SYT1: variants seen among roughly 807,000 people sequenced by gnomAD.
The protein encoded by SYT1 is synaptotagmin 1, also known as synaptotagmin-1.
A neutral mutation model predicts 44.8 loss-of-function variants in SYT1; 8 were observed. The ratio of observed to expected loss-of-function variants is 0.18; its 90% CI spans 0.10 to 0.32. The LOEUF is 0.32. SYT1 is among the 10% of genes least tolerant of loss of function. The pLI, the probability that SYT1 is intolerant of heterozygous loss-of-function variation, is 1.00. For missense variants in SYT1, 286 were observed against 509.3 expected, an observed-to-expected ratio of 0.56 and a Z score of 4.22; for synonymous variants, 154 against 188.8, an observed-to-expected ratio of 0.82 and a Z score of 1.51.
intron 3 of SYT1, among the ~76,000 whole-genome samples, chr12:79,103,712 T>C (rs1487984533): frequency 6.6e-6 from 1 of 151,510 alleles, no homozygotes; most frequent in Admixed American, 6.6e-5. Flanking sequence ...TGTGACCTCT[T>C]AGTGTCCAAC....
chr12:78,915,201 T>G (rs1876578756), intron 1 of SYT1, among the ~76,000 whole-genome samples: 1 of 151,992 alleles, frequency 6.6e-6, no homozygotes, highest in African/African-American at 2.4e-5. Flanking sequence ...AGATCACTAT[T>G]TTAATAATAG....
At chr12:79,334,286 A>G (rs1208685220) in intron 8 of SYT1, among the ~76,000 whole-genome samples, 1 of 152,072 alleles carries the variant, frequency 6.6e-6, no homozygotes, top group Non-Finnish European at 1.5e-5. Flanking sequence ...CTGTAACTCT[A>G]TATTCATATG....
intron 3 of SYT1, among the ~76,000 whole-genome samples, chr12:79,106,771 T>A (rs1878742467): frequency 6.6e-6 from 1 of 152,082 alleles, no homozygotes; most frequent in Admixed American, 6.5e-5. Flanking sequence ...CTTCTTTAAA[T>A]GACTCTAGTC....
chr12:79,308,532 T>TAAAGAAAG lies in SYT1; in HGVS notation c.810+8993_810+9000dup, dbSNP rs61316122. 9.2e-4 allele frequency among the ~76,000 whole-genome samples: 55 copies of TAAAGAAAG among 59,484 alleles called. 1 individual carries two copies. Among genetic ancestry groups the TAAAGAAAG allele is most frequent in the Admixed American group, 7.4e-4 (4 of 5,426 alleles). The allele number at this position is 59,484 out of a possible 152,430, so 39.0% of individuals were successfully genotyped here. A position where few individuals can be genotyped will look rare whatever the true frequency, so the allele number is the denominator to read the frequency against. ...TCAAAAGAAAGAAAGAAAGAAGAAA[T>TAAAGAAAG]AAAGAAAGAAAGAAAGAAAAAAGAA... On this transcript the variant is annotated intron_variant, in intron 8 of 10. Transcript: ENST00000261205.
intron 1 of SYT1, among the ~76,000 whole-genome samples, chr12:78,944,866 A>G (rs1878569262): frequency 6.6e-6 from 1 of 152,190 alleles, no homozygotes. Context: ...TCCAGTATGC[A>G]AAATACTTGA....
At chr12:79,294,537 C>T (rs1280827753) in intron 6 of SYT1, among the ~76,000 whole-genome samples, 2 of 152,006 alleles carry the variant, frequency 1.3e-5, no homozygotes, top group African/African-American at 4.8e-5. Flanking sequence ...AGGCAGAAGT[C>T]AGAACAAGGT....
intron 4 of SYT1, among the ~76,000 whole-genome samples, chr12:79,222,478 T>C (rs1453931832): frequency 1.3e-5 from 2 of 151,932 alleles, no homozygotes; most frequent in Non-Finnish European, 2.9e-5. Flanking sequence ...ACCTCCCAGG[T>C]TCAAGCAATT....
At chr12:78,904,065 A>C (rs1875816481) in intron 1 of SYT1, among the ~76,000 whole-genome samples, 1 of 152,060 alleles carries the variant, frequency 6.6e-6, no homozygotes, top group Non-Finnish European at 1.5e-5. Flanking sequence ...GCTATATATC[A>C]TAACAGTTAT....
At chr12:79,159,594 C>T (rs1438273252) in intron 3 of SYT1, among the ~76,000 whole-genome samples, 1 of 152,074 alleles carries the variant, frequency 6.6e-6, no homozygotes, top group Non-Finnish European at 1.5e-5. Flanking sequence ...ATACGTTAAA[C>T]TTTATCATAG....
At position 78,931,491 on chromosome 12, in the gene SYT1, GAGTT is replaced by G. The variant is rs1346304097; in HGVS notation, c.-216-46305_-216-46302del. Among the ~76,000 whole-genome samples the G allele has an allele frequency of 7.9e-5, 12 of 152,082 alleles. 1 individual carries two copies. In the Middle Eastern group the frequency reaches 0.027, roughly 345 times the overall value. On this transcript the variant is annotated intron_variant, in intron 1 of 10. Transcript: ENST00000261205. Reference sequence around the variant, plus strand: ...AAAGAAAGAAAGAAAGAAAGAGAAAGAGTTAGGTAAATATTCAGAGAGCTTCCAT... The same window carrying G: ...AAAGAAAGAAAGAAAGAAAGAGAAAGAGGTAAATATTCAGAGAGCTTCCAT...
intron 3 of SYT1, among the ~76,000 whole-genome samples, chr12:79,206,822 A>C (rs1267225640): frequency 2.0e-5 from 3 of 152,214 alleles, no homozygotes; most frequent in Non-Finnish European, 4.4e-5. Flanking sequence ...AGATACTTAG[A>C]TCATCATCAA....
intron 1 of SYT1, among the ~76,000 whole-genome samples, chr12:78,909,743 A>T (rs569733604): frequency 9.5e-4 from 144 of 152,106 alleles, no homozygotes; most frequent in African/African-American, 3.4e-3. Flanking sequence ...TCACCAAACT[A>T]GTACTTTAAT....
At chr12:79,020,733 G>A (rs534210459) in intron 2 of SYT1, among the ~76,000 whole-genome samples, 2 of 151,950 alleles carry the variant, frequency 1.3e-5, no homozygotes, top group East Asian at 1.9e-4. Flanking sequence ...TGGAAAGAAA[G>A]CACTTTGAAG....
chr12:79,049,597 C>A lies in SYT1; in HGVS notation c.-18+2235C>A, dbSNP rs1021520643. 3.3e-5 allele frequency among the ~76,000 whole-genome samples: 5 copies of A among 151,852 alleles called. No homozygotes were observed. The South Asian group carries it at 8.3e-4, about 25-fold the overall frequency. On this transcript the variant is annotated intron_variant, in intron 3 of 10. Coordinates refer to ENST00000261205, the MANE Select transcript of SYT1 (RefSeq NM_005639.3). ...CATAAGAGTTCTTAAAATATCTTAG[C>A]CACTAAAGGCTCGTGAGTTAGTGTT... is the stretch of plus-strand genomic sequence containing the variant.
intron 1 of SYT1, among the ~76,000 whole-genome samples, chr12:78,937,350 G>A (rs1389960250): frequency 6.6e-6 from 1 of 152,014 alleles, no homozygotes; most frequent in African/African-American, 2.4e-5. Flanking sequence ...TTTATTTCTT[G>A]AGAAGACTTT....
At chr12:79,194,969 A>G (rs1592842237) in intron 3 of SYT1, among the ~76,000 whole-genome samples, 1 of 152,178 alleles carries the variant, frequency 6.6e-6, no homozygotes, top group African/African-American at 2.4e-5. Context: ...TCAATAAGCT[A>G]TTTTGCTAAA....
chr12:79,279,953 A>T (rs542984854), intron 4 of SYT1, among the ~76,000 whole-genome samples: 93 of 152,248 alleles, frequency 6.1e-4, no homozygotes, highest in African/African-American at 2.2e-3. Context: ...AAAGATCTCT[A>T]CAAGGAGAAC....
intron 3 of SYT1, among the ~76,000 whole-genome samples, chr12:79,076,752 C>T (rs1182502310): frequency 3.3e-5 from 5 of 151,984 alleles, no homozygotes; most frequent in Admixed American, 6.6e-5. Flanking sequence ...TTTGGGATCA[C>T]GAGGTCAGGA....
At chr12:79,000,846 C>T (rs1487019212) in intron 2 of SYT1, among the ~76,000 whole-genome samples, 1 of 152,086 alleles carries the variant, frequency 6.6e-6, no homozygotes, top group Non-Finnish European at 1.5e-5. Flanking sequence ...CTTTTAACAT[C>T]AATATCTGTT....
Sources: gnomAD v4.1 joint callset for allele counts (sites outside exome capture counted in the v4.1 genomes callset) on GRCh38, gnomAD v4.1.1 for gene constraint, MANE v1.5 for transcripts, NCBI Gene and HGNC (gene_info 2026-07-23, HGNC 2026-07-21) for gene names.